The following HEPHL1 variants were observed in gnomAD, a reference collection of about 807,000 sequenced individuals.
The protein encoded by HEPHL1 is ferroxidase HEPHL1.
In HEPHL1, 123 loss-of-function variants were observed where a neutral mutation model predicts 122.0. The observed-to-expected ratio is 1.01, with a 90% CI of 0.87 to 1.17. The LOEUF is 1.17. Among genes scored for constraint, HEPHL1 ranks in the 50% most tolerant of loss-of-function variants. HEPHL1 has a pLI of 0.00. For missense variants in HEPHL1, 1,452 were observed against 1,430.5 expected (o/e 1.01, Z -0.24); for synonymous variants, 527 against 508.9 (o/e 1.04, Z -0.48).
Position 94,094,009 on chromosome 11 carries a change from TATATAA to T in HEPHL1, c.2434+371_2434+376del, listed in dbSNP as rs1242147645. Reference sequence around the variant, plus strand: ...ATATATATATATATATATATATATATATATAAAACTTTAAGTTCTAGGGTACATGTG... The same window carrying T: ...ATATATATATATATATATATATATATAACTTTAAGTTCTAGGGTACATGTG... On this transcript the variant is annotated intron_variant, in intron 13 of 19. Transcript: ENST00000315765. Among the ~76,000 whole-genome samples, 78 of 124,220 alleles carry T rather than the reference TATATAA, an allele frequency of 6.3e-4. 3 individuals carry two copies. The highest frequency in any genetic ancestry group is 2.6e-3 in the African/African-American group (76 of 28,722). 81.5% of individuals were successfully genotyped at this position (124,220 alleles called of 152,430 possible).
intron 9 of HEPHL1, among the ~76,000 whole-genome samples, chr11:94,079,343 A>G (rs972688637): frequency 8.5e-5 from 13 of 152,176 alleles, no homozygotes; most frequent in African/African-American, 3.1e-4. Flanking sequence ...GATCTTTTAA[A>G]ATATATTTTG....
In HEPHL1 at chr11:94,082,431, AG is replaced by A; in HGVS notation, c.1732del (p.Glu578SerfsTer13). 1 of 1,609,766 alleles carries A rather than the reference AG, an allele frequency of 6.2e-7. No homozygotes were observed. The highest frequency in any genetic ancestry group is 8.5e-7 in the Non-Finnish European group (1 of 1,177,322). ...TCTTCTCTGTAGAAAGGAATAGACA[AG>A]GAGTTTTACCTACTGTTCACAGTCT... ...NADGTQKGID[K>X]EFYLLFTVFD... On this transcript the variant is annotated frameshift_variant, in exon 10 of 20. Coordinates refer to ENST00000315765, the MANE Select transcript of HEPHL1 (RefSeq NM_001098672.2). LOFTEE classifies it high-confidence loss of function.
At chr11:94,086,505 G>T (rs370620505) in intron 11 of HEPHL1, among the ~76,000 whole-genome samples, 1 of 152,184 alleles carries the variant, frequency 6.6e-6, no homozygotes, top group South Asian at 2.1e-4. Context: ...GATATGTTTT[G>T]CTCTCATTGA....
At chr11:94,062,303 T>C (rs557236316) in intron 2 of HEPHL1, among the ~76,000 whole-genome samples, 1 of 152,220 alleles carries the variant, frequency 6.6e-6, no homozygotes, top group African/African-American at 2.4e-5. Flanking sequence ...AAAGTAACTG[T>C]GATAATGTAT....
At chr11:94,042,875 TAAA>T (rs58966846) in intron 1 of HEPHL1, among the ~76,000 whole-genome samples, 3 of 63,188 alleles carry the variant, frequency 4.7e-5, no homozygotes, top group South Asian at 6.7e-4. Flanking sequence ...TAAAGTATAA[TAAA>T]AAAAAAAAAA....
chr11:94,064,519 C>G lies in HEPHL1; in HGVS notation c.808+9C>G, dbSNP rs1565352705. Reference sequence around the variant, plus strand: ...GAGTAACAAAATGCATGGTGAGTACCTCCCATGTTCCCAAACGTATACCAG... The same window carrying G: ...GAGTAACAAAATGCATGGTGAGTACGTCCCATGTTCCCAAACGTATACCAG... On this transcript the variant is annotated intron_variant, in intron 4 of 19. Transcript: ENST00000315765. 1.3e-6 allele frequency: 2 copies of G among 1,597,268 alleles called. No homozygotes were observed. The highest frequency in any genetic ancestry group is 8.6e-7 in the Non-Finnish European group (1 of 1,166,524).
rs368359279 is a variant in HEPHL1, at chr11:94,074,400, C to T, written c.1505-774C>T. ...TATAATCATGCCACTGTACTACAGC[C>T]TGGGTGACATAGCAAGACCTTGTCT... On this transcript the variant is annotated intron_variant, in intron 8 of 19. Transcript: ENST00000315765. 3.9e-5 allele frequency among the ~76,000 whole-genome samples: 6 copies of T among 152,094 alleles called. No individual in the cohort carries two copies. The East Asian group carries it at 7.7e-4, about 20-fold the overall frequency.
chr11:94,059,078 T>C (rs1945962923), intron 2 of HEPHL1, among the ~76,000 whole-genome samples: 1 of 152,202 alleles, frequency 6.6e-6, no homozygotes, highest in African/African-American at 2.4e-5. Context: ...TTAAACAATT[T>C]CTATGAATTT....
intron 2 of HEPHL1, among the ~76,000 whole-genome samples, chr11:94,051,996 G>A: frequency 6.6e-6 from 1 of 151,936 alleles, no homozygotes; most frequent in Non-Finnish European, 1.5e-5. Context: ...CCATTTGTCT[G>A]TGTGTCTGTT....
Position 94,063,656 on chromosome 11 carries a change from G to T in HEPHL1, c.564G>T (p.Ser188=). The change falls in exon 3 of 20, where the codon TCG becomes TCT. Residue 188 remains serine (S), a synonymous_variant. Transcript: ENST00000315765. ...DANCLTWVYH[S]HIDAPKDICS... Reference sequence around the variant, plus strand: ...ACTGCCTGACCTGGGTGTACCATTCGCACATCGACGCCCCAAAGGACATCT... The same window carrying T: ...ACTGCCTGACCTGGGTGTACCATTCTCACATCGACGCCCCAAAGGACATCT... 5.0e-6 allele frequency: 8 copies of T among 1,613,792 alleles called. No individual in the cohort carries two copies. The highest frequency in any genetic ancestry group is 1.3e-5 in the African/African-American group (1 of 74,992).
chr11:94,053,217 T>C (rs549700167), intron 2 of HEPHL1, among the ~76,000 whole-genome samples: 7 of 152,084 alleles, frequency 4.6e-5, no homozygotes, highest in Non-Finnish European at 8.8e-5. Flanking sequence ...TAGAAATTCG[T>C]GTGTTTCATC....
Position 94,021,416 on chromosome 11 carries a change from G to C in HEPHL1, c.48G>C (p.Leu16=). ...GCTGCATCTTTCTCCTCACATTCCT[G>C]GGTCTGTCTGGGCTGGTTGGCACAG... ...PAGCIFLLTF[L]GLSGLVGTVT... is the part of the protein sequence containing the mutation. The change falls in exon 1 of 20, where the codon CTG becomes CTC. Residue 16 remains leucine (L), a synonymous_variant. Coordinates refer to ENST00000315765, the MANE Select transcript of HEPHL1 (RefSeq NM_001098672.2). 2 of 1,613,566 alleles carry C rather than the reference G, an allele frequency of 1.2e-6. No individual in the cohort carries two copies. Among genetic ancestry groups the C allele is most frequent in the Non-Finnish European group, 1.7e-6 (2 of 1,179,704 alleles).
At chr11:94,068,962 T>C (rs1201926609) in intron 5 of HEPHL1, among the ~76,000 whole-genome samples, 1 of 152,198 alleles carries the variant, frequency 6.6e-6, no homozygotes, top group South Asian at 2.1e-4. Flanking sequence ...CAGTGAGTCA[T>C]AGCATTAGTC....
intron 2 of HEPHL1, among the ~76,000 whole-genome samples, chr11:94,054,396 G>A (rs1385122644): frequency 4.6e-5 from 7 of 152,154 alleles, no homozygotes; most frequent in Admixed American, 2.6e-4. Flanking sequence ...ACCCTGGGGG[G>A]CAACAATCAG....
rs1591481408 is a variant in HEPHL1 at position 94,082,549 on chromosome 11, G to A, written c.1848G>A (p.Val616=). Residue 616 remains valine, a synonymous_variant, in exon 10 of 20, where the codon GTG becomes GTA. Coordinates refer to ENST00000315765, the MANE Select transcript of HEPHL1 (RefSeq NM_001098672.2). ...TTGACAAAGAAGATAAAGAGTTTGT[G>A]AAATCCAACCGAATGCATGGTATGA... ...FSIDKEDKEF[V]KSNRMHAVNG... 1.9e-6 allele frequency: 3 copies of A among 1,610,998 alleles called. No individual in the cohort carries two copies. Among genetic ancestry groups the A allele is most frequent in the Non-Finnish European group, 2.5e-6 (3 of 1,178,980 alleles).
At chr11:94,042,882 A>AAAAAAAAAAACAAAC (rs1555058751) in intron 1 of HEPHL1, among the ~76,000 whole-genome samples, 1 of 136,838 alleles carries the variant, frequency 7.3e-6, no homozygotes, top group African/African-American at 2.8e-5. Context: ...TAATAAAAAA[A>AAAAAAAAAAACAAAC]AAAAAAAAAA....
At chr11:94,052,660 AGTTT>A (rs1367468765) in intron 2 of HEPHL1, among the ~76,000 whole-genome samples, 1 of 151,668 alleles carries the variant, frequency 6.6e-6, no homozygotes, top group South Asian at 2.1e-4. Flanking sequence ...TTGTATTCCT[AGTTT>A]GTTGAGAGTT....
intron 1 of HEPHL1, among the ~76,000 whole-genome samples, chr11:94,039,483 T>C (rs1945755625): frequency 1.3e-5 from 2 of 149,940 alleles, no homozygotes; most frequent in African/African-American, 4.9e-5. Context: ...AAAGCTCTCC[T>C]CAGCAAATGT....
chr11:94,083,682 G>A (rs901483987), intron 10 of HEPHL1, among the ~76,000 whole-genome samples: 1 of 152,170 alleles, frequency 6.6e-6, no homozygotes, highest in Non-Finnish European at 1.5e-5. Flanking sequence ...GTGCCCCATG[G>A]CAACCAGGTC....
Sources: gnomAD v4.1 joint callset for allele counts (sites outside exome capture counted in the v4.1 genomes callset) on GRCh38, gnomAD v4.1.1 for gene constraint, MANE v1.5 for transcripts, NCBI Gene and HGNC (gene_info 2026-07-23, HGNC 2026-07-21) for gene names.